The following ARSK variants were observed in gnomAD, a reference collection of about 807,000 sequenced individuals.
The protein encoded by ARSK is arylsulfatase K.
ARSK carries 37 observed loss-of-function variants against 53.2 expected under a neutral mutation model. That is an observed-to-expected ratio of 0.70 (90% CI 0.54 to 0.92). The LOEUF is 0.92. Ranked by LOEUF, ARSK falls within the 40% of genes least tolerant of loss-of-function variation. The probability of loss-of-function intolerance (pLI) is 0.00; values close to 1 mark genes in which losing one functional copy is unlikely to be tolerated. For synonymous variants in ARSK, 208 were observed against 223.2 expected (o/e 0.93, Z 0.61); for missense variants, 613 against 643.0 (o/e 0.95, Z 0.51).
At chr5:95,562,566 A>G (rs955324190) in intron 1 of ARSK, among the ~76,000 whole-genome samples, 3 of 152,248 alleles carry the variant, frequency 2.0e-5, no homozygotes, top group African/African-American at 7.2e-5. Flanking sequence ...TGCATGGCCC[A>G]TAATGATAAG....
intron 1 of ARSK, among the ~76,000 whole-genome samples, chr5:95,564,531 T>TC (rs1748695286): frequency 6.6e-6 from 1 of 152,302 alleles, no homozygotes; most frequent in South Asian, 2.1e-4. Context: ...TTTTCTTTTT[T>TC]CCCCCTGCTG....
At position 95,566,049 on chromosome 5, in the gene ARSK, A is replaced by G. The variant is rs139473266; in HGVS notation, c.178A>G (p.Ile60Val). 446 of 1,613,240 alleles carry G rather than the reference A, an allele frequency of 2.8e-4. No individual in the cohort carries two copies. Among genetic ancestry groups the G allele is most frequent in the Non-Finnish European group, 3.6e-4 (424 of 1,179,760 alleles). Residue 60 changes from isoleucine (I) to valine (V), a missense_variant, in exon 2 of 8, where the codon ATC becomes GTC. Coordinates refer to ENST00000380009, the MANE Select transcript of ARSK (RefSeq NM_198150.3). ...PGSQVVKLPFINFMKTRGTSF... is the reference protein window; with the variant it reads ...PGSQVVKLPFVNFMKTRGTSF... ...AAGTCAGGTAGTGAAACTTCCTTTTATCAACTTTATGAAGACACGTGGGAC... is the reference window on the plus strand; with the variant it reads ...AAGTCAGGTAGTGAAACTTCCTTTTGTCAACTTTATGAAGACACGTGGGAC...
chr5:95,560,459 A>G (rs1748609349), intron 1 of ARSK, among the ~76,000 whole-genome samples: 1 of 152,208 alleles, frequency 6.6e-6, no homozygotes, highest in Non-Finnish European at 1.5e-5. Context: ...TAACTACACC[A>G]ATCAATGTAG....
At position 95,597,811 on chromosome 5, in the gene ARSK, T is replaced by C. The variant is rs558141291; in HGVS notation, c.1097-3036T>C. 7.9e-5 allele frequency among the ~76,000 whole-genome samples: 12 copies of C among 151,496 alleles called. No individual in the cohort carries two copies. The South Asian group carries it at 2.5e-3, about 32-fold the overall frequency. On this transcript the variant is annotated intron_variant, in intron 6 of 7. Transcript: ENST00000380009. ...CGGGAGGCTGAGGCAGGAGAATCAC[T>C]TGAACCTGGGAGGCAGAGGTTGCAG...
intron 1 of ARSK, among the ~76,000 whole-genome samples, chr5:95,560,725 T>TA (rs1345403481): frequency 3.3e-5 from 5 of 150,348 alleles, no homozygotes; most frequent in African/African-American, 1.2e-4. Flanking sequence ...AATGTAAAAC[T>TA]AAAAAACTCT....
At chr5:95,600,587 T>C (rs947901341) in intron 6 of ARSK, 15 of 611,024 alleles carry the variant, frequency 2.5e-5, no homozygotes, top group Non-Finnish European at 4.6e-5. Flanking sequence ...AAAATGAACC[T>C]AATAAATACA....
chr5:95,569,408 A>G (rs1748785294), intron 3 of ARSK, among the ~76,000 whole-genome samples: 1 of 152,198 alleles, frequency 6.6e-6, no homozygotes, highest in South Asian at 2.1e-4. Context: ...ATCTTATTGG[A>G]AAATAGACCT....
chr5:95,566,473 A>G (rs1046022034), intron 2 of ARSK, among the ~76,000 whole-genome samples: 2 of 152,238 alleles, frequency 1.3e-5, no homozygotes, highest in Non-Finnish European at 2.9e-5. Flanking sequence ...CAGTAACGGT[A>G]TAGGTAATTG....
At chr5:95,569,902 A>C (rs1025589377) in intron 3 of ARSK, among the ~76,000 whole-genome samples, 5 of 152,224 alleles carry the variant, frequency 3.3e-5, no homozygotes, top group Admixed American at 3.3e-4. Context: ...TGCAGAAGCA[A>C]TCCTGACATT....
In ARSK at chr5:95,603,530, A is replaced by G; in HGVS notation, c.*4A>G. On this transcript the variant is annotated 3_prime_UTR_variant, in exon 8 of 8. Coordinates refer to ENST00000380009, the MANE Select transcript of ARSK (RefSeq NM_198150.3). Reference sequence around the variant, plus strand: ...TATGAATCCAAGAGCAGTTTGAACAAAAAGTTTAAAAATAGTGTTCTAGAG... The same window carrying G: ...TATGAATCCAAGAGCAGTTTGAACAGAAAGTTTAAAAATAGTGTTCTAGAG... 1 of 1,579,768 alleles carries G rather than the reference A, an allele frequency of 6.3e-7. No individual in the cohort carries two copies. The highest frequency in any genetic ancestry group is 8.6e-7 in the Non-Finnish European group (1 of 1,166,440).
chr5:95,584,445 T>C (rs1472871665), intron 4 of ARSK, among the ~76,000 whole-genome samples: 1 of 152,232 alleles, frequency 6.6e-6, no homozygotes, highest in Non-Finnish European at 1.5e-5. Context: ...TTAACAATAC[T>C]GTGATAACTG....
Position 95,555,554 on chromosome 5 carries a change from G to GA in ARSK, c.126+150_126+151insA. The stretch of plus-strand genomic sequence containing the variant: ...AAAGAAAGAAATACATTTTATGTGA[G>GA]GCCCCGTGTACTCACACGTACACCA... On this transcript the variant is annotated intron_variant, in intron 1 of 7. Coordinates refer to ENST00000380009, the MANE Select transcript of ARSK (RefSeq NM_198150.3). This position sits in a 1 kb window ranked among gnomAD's most constrained non-coding sequence, Gnocchi z 4.0. The GA allele has an allele frequency of 1.2e-6, 1 of 832,824 alleles. No homozygotes were observed. The highest frequency in any genetic ancestry group is 2.0e-5 in the South Asian group (1 of 50,722). 51.6% of individuals were successfully genotyped at this position (832,824 alleles called of 1,614,324 possible).
intron 1 of ARSK, among the ~76,000 whole-genome samples, chr5:95,557,544 A>C (rs989507870): frequency 2.0e-5 from 3 of 152,244 alleles, no homozygotes; most frequent in Non-Finnish European, 1.5e-5. Flanking sequence ...GCTAGTCCTG[A>C]GTGCAGCTTA....
At chr5:95,593,533 A>C (rs1396204148) in intron 6 of ARSK, among the ~76,000 whole-genome samples, 1 of 152,224 alleles carries the variant, frequency 6.6e-6, no homozygotes, top group Non-Finnish European at 1.5e-5. Context: ...AATCTTGAGA[A>C]GATACCATTA....
At chr5:95,561,041 C>T (rs192520677) in intron 1 of ARSK, among the ~76,000 whole-genome samples, 132 of 152,226 alleles carry the variant, frequency 8.7e-4, no homozygotes, top group Non-Finnish European at 1.6e-3. Flanking sequence ...GATCTCCTGA[C>T]CTTGGGATAT....
intron 6 of ARSK, among the ~76,000 whole-genome samples, chr5:95,596,178 T>C (rs1441387684): frequency 6.6e-6 from 1 of 152,226 alleles, no homozygotes; most frequent in Non-Finnish European, 1.5e-5. Context: ...AAAGCTACTT[T>C]ATTAGTGATT....
chr5:95,603,480 C>A lies in ARSK; in HGVS notation c.1565C>A (p.Ala522Glu), dbSNP rs1194409732. ...AAGGAACCAAGGAAGTATGAAAATG[C>A]AATTGATCAGTGGCTTAAAACCCAT... ...WQKEPRKYEN[A>E]IDQWLKTHMN... The change falls in exon 8 of 8, where the codon GCA (alanine) becomes GAA (glutamate). Residue 522 changes from alanine (A) to glutamate (E), a missense_variant. Coordinates refer to ENST00000380009, the MANE Select transcript of ARSK (RefSeq NM_198150.3). 1.2e-6 allele frequency: 2 copies of A among 1,612,016 alleles called. No homozygotes were observed. The highest frequency in any genetic ancestry group is 1.7e-6 in the Non-Finnish European group (2 of 1,179,360).
In ARSK at chr5:95,603,656, TC is replaced by T; in HGVS notation, c.*133del. 1 of 790,758 alleles carries T rather than the reference TC, an allele frequency of 1.3e-6. No homozygotes were observed. The highest frequency in any genetic ancestry group is 1.8e-6 in the Non-Finnish European group (1 of 546,154). The allele number at this position is 790,758 out of a possible 1,614,324, so 49.0% of individuals were successfully genotyped here. On this transcript the variant is annotated 3_prime_UTR_variant, in exon 8 of 8. Transcript: ENST00000380009. ...CGGGCACAGTGGCTCACACCTGTAA[TC>T]CCAGGACTTTGGGAGGCTGAGGAAA...
chr5:95,583,656 G>A (rs1205956987), intron 4 of ARSK, among the ~76,000 whole-genome samples: 2 of 152,040 alleles, frequency 1.3e-5, no homozygotes, highest in African/African-American at 2.4e-5. Context: ...TTTATATAGT[G>A]CACTATAATG....
Sources: gnomAD v4.1 joint callset for allele counts (sites outside exome capture counted in the v4.1 genomes callset) on GRCh38, gnomAD v4.1.1 for gene constraint, Gnocchi (gnomAD v3.1) non-coding constraint, MANE v1.5 for transcripts, NCBI Gene and HGNC (gene_info 2026-07-23, HGNC 2026-07-21) for gene names.